CEP350: variants seen among roughly 807,000 people sequenced by gnomAD.
CEP350 encodes centrosome-associated protein 350.
A neutral mutation model predicts 331.8 loss-of-function variants in CEP350; 126 were observed. The observed-to-expected ratio is 0.38, with a 90% CI of 0.33 to 0.44. The LOEUF (loss-of-function observed/expected upper bound fraction) is 0.44, where lower values mean the gene tolerates loss of function less well. Among genes scored for constraint, CEP350 ranks in the 20% least tolerant of loss-of-function variants. The pLI is 1.00. For synonymous variants in CEP350, 1,200 were observed against 1,259.5 expected (o/e 0.95, Z 1.00); for missense variants, 3,406 against 3,634.6 (o/e 0.94, Z 1.62).
chr1:180,074,101 C>T (rs912212735), intron 27 of CEP350, among the ~76,000 whole-genome samples: 4 of 152,062 alleles, frequency 2.6e-5, no homozygotes, highest in Non-Finnish European at 5.9e-5. Flanking sequence ...AGAGTGACAG[C>T]TCTTCTTGTG....
intron 27 of CEP350, chr1:180,073,953 C>T (rs1558142086): frequency 7.7e-7 from 1 of 1,297,824 alleles, no homozygotes; most frequent in South Asian, 1.2e-5. Context: ...AGAGCATGCT[C>T]TGTTCTTTTT....
chr1:180,073,330 TTAAG>T (rs1176079437), intron 27 of CEP350, among the ~76,000 whole-genome samples: 2 of 152,182 alleles, frequency 1.3e-5, no homozygotes, highest in Non-Finnish European at 2.9e-5. Context: ...GATGGTAAGG[TTAAG>T]TAAGGCAAAT....
intron 37 of CEP350, among the ~76,000 whole-genome samples, chr1:180,099,309 G>T (rs1007977289): frequency 1.3e-5 from 2 of 152,196 alleles, no homozygotes; most frequent in Non-Finnish European, 1.5e-5. Context: ...ATCTCTTGAT[G>T]TGTAATCTTG....
intron 27 of CEP350, among the ~76,000 whole-genome samples, chr1:180,070,105 T>C (rs1048846665): frequency 4.6e-5 from 7 of 152,224 alleles, no homozygotes; most frequent in African/African-American, 9.6e-5. Flanking sequence ...TACACACATA[T>C]ATACAACTTT....
At chr1:179,993,978 T>G (rs1244250752) in intron 5 of CEP350, among the ~76,000 whole-genome samples, 3 of 152,206 alleles carry the variant, frequency 2.0e-5, no homozygotes, top group Admixed American at 1.3e-4. Flanking sequence ...TTGCATTATG[T>G]TTTGGTTCCA....
chr1:180,011,217 T>A (rs1009167693), intron 8 of CEP350, among the ~76,000 whole-genome samples: 11 of 152,236 alleles, frequency 7.2e-5, no homozygotes, highest in African/African-American at 2.4e-4. Context: ...TTGGTACATA[T>A]CTGTAAAATA....
At chr1:180,098,397 G>A (rs1156968647) in intron 36 of CEP350, among the ~76,000 whole-genome samples, 2 of 152,128 alleles carry the variant, frequency 1.3e-5, no homozygotes, top group Non-Finnish European at 2.9e-5. Context: ...CTGGAGTGCA[G>A]TGGTGCAATC....
chr1:180,094,713 C>G, intron 34 of CEP350, 97 bp downstream of exon 34: 1 of 1,303,594 alleles, frequency 7.7e-7, no homozygotes, highest in Non-Finnish European at 1.0e-6. Flanking sequence ...TTCTGTGACT[C>G]CTGATAGGTT....
At chr1:179,968,602 G>A (rs1571787244) in intron 1 of CEP350, 1 of 333,906 alleles carries the variant, frequency 3.0e-6, no homozygotes, top group Non-Finnish European at 5.9e-6. Flanking sequence ...TGCTTTCCAC[G>A]CTACCCAGAG....
intron 14 of CEP350, 49 bp from the exon 15 acceptor site, chr1:180,031,271 A>G: frequency 9.0e-7 from 1 of 1,105,254 alleles, no homozygotes; most frequent in Non-Finnish European, 1.3e-6. Context: ...TATCTCTCTC[A>G]ATAACTTCTA....
intron 20 of CEP350, 120 bp from the exon 21 acceptor site, chr1:180,043,931 A>G (rs1341444780): frequency 2.3e-6 from 2 of 863,784 alleles, no homozygotes; most frequent in Non-Finnish European, 3.3e-6. Flanking sequence ...AATGTGTTGT[A>G]AGTTATTTTA....
chr1:179,999,663 G>T (rs1653731085), intron 6 of CEP350, among the ~76,000 whole-genome samples: 1 of 151,938 alleles, frequency 6.6e-6, no homozygotes, highest in South Asian at 2.1e-4. Flanking sequence ...CTTGTGCTTG[G>T]CCCCCTTTCT....
chr1:179,974,801 G>A (rs549803610), intron 1 of CEP350, among the ~76,000 whole-genome samples: 3 of 152,266 alleles, frequency 2.0e-5, no homozygotes, highest in East Asian at 3.9e-4. Flanking sequence ...AGAACAGCCT[G>A]AGCAACAGGA....
At chr1:179,974,876 A>C (rs1309571502) in intron 1 of CEP350, among the ~76,000 whole-genome samples, 1 of 152,188 alleles carries the variant, frequency 6.6e-6, no homozygotes, top group African/African-American at 2.4e-5. Context: ...CTGTAGTCCT[A>C]GCAACACAGG....
chr1:179,991,703 GTGTGTATATA>G (rs1290526782), intron 4 of CEP350, among the ~76,000 whole-genome samples: 2 of 129,386 alleles, frequency 1.5e-5, no homozygotes, highest in African/African-American at 5.8e-5. Flanking sequence ...GTGTGTGTGT[GTGTGTATATA>G]TATATATATA....
chr1:180,036,413 T>C (rs1459530305), intron 16 of CEP350, among the ~76,000 whole-genome samples: 6 of 152,214 alleles, frequency 3.9e-5, no homozygotes, highest in South Asian at 2.1e-4. Context: ...GAGAAATCTT[T>C]TGTGAAAGCA....
intron 30 of CEP350, 92 bp downstream of exon 30, chr1:180,080,753 A>T: frequency 9.7e-7 from 1 of 1,027,038 alleles, no homozygotes. Context: ...CTTAGGAAGC[A>T]TATGTAGACA....
intron 14 of CEP350, among the ~76,000 whole-genome samples, chr1:180,027,462 C>T (rs550387326): frequency 3.3e-5 from 5 of 152,086 alleles, no homozygotes; most frequent in African/African-American, 7.2e-5. Flanking sequence ...TATGGCTCAC[C>T]GTAGCCTCAA....
rs762767188 is a variant in CEP350 at position 180,093,021 on chromosome 1, G to T, written c.6916G>T (p.Asp2306Tyr). 1.9e-6 allele frequency: 3 copies of T among 1,605,360 alleles called. No individual in the cohort carries two copies. The South Asian group carries it at 3.4e-5, about 18-fold the overall frequency. Residue 2306 changes from aspartate to tyrosine, a missense_variant, in exon 34 of 38, where the codon GAT becomes TAT. By Grantham distance (160) the Asp-to-Tyr change is radical (BLOSUM62 -3). Coordinates refer to ENST00000367607, the MANE Select transcript of CEP350 (RefSeq NM_014810.5). ...TCTTTCAAAGAAAGATCTTCCTTTAGATTCTGAAAATGTTCAGAAAGACCT... is the reference window on the plus strand; with the variant it reads ...TCTTTCAAAGAAAGATCTTCCTTTATATTCTGAAAATGTTCAGAAAGACCT... Reference protein sequence around the residue: ...EILSKKDLPLDSENVQKDLVG... With the variant: ...EILSKKDLPLYSENVQKDLVG...
Sources: gnomAD v4.1 joint callset for allele counts (sites outside exome capture counted in the v4.1 genomes callset) on GRCh38, gnomAD v4.1.1 for gene constraint, MANE v1.5 for transcripts, NCBI Gene and HGNC (gene_info 2026-07-23, HGNC 2026-07-21) for gene names.